Variants in USP45 observed in about 807,000 individuals in gnomAD.
USP45 encodes ubiquitin carboxyl-terminal hydrolase 45.
A neutral mutation model predicts 95.8 loss-of-function variants in USP45; 89 were observed. The observed-to-expected ratio is 0.93, with a 90% CI of 0.78 to 1.11. The LOEUF is 1.11. Ranked by LOEUF, USP45 falls within the 50% of genes least tolerant of loss-of-function variation. The pLI, the probability that USP45 is intolerant of heterozygous loss-of-function variation, is 0.00. For synonymous variants in USP45, 281 were observed against 316.2 expected (o/e 0.89, Z 1.18); for missense variants, 898 against 942.5 (o/e 0.95, Z 0.62).
intron 15 of USP45, among the ~76,000 whole-genome samples, chr6:99,441,249 C>T (rs1404955578): frequency 1.3e-5 from 2 of 151,986 alleles, no homozygotes; most frequent in African/African-American, 2.4e-5. Flanking sequence ...AAACATTACT[C>T]GGCCGGGCAC....
At chr6:99,471,574 T>C (rs1789409342) in intron 9 of USP45, among the ~76,000 whole-genome samples, 1 of 152,208 alleles carries the variant, frequency 6.6e-6, no homozygotes, top group Admixed American at 6.5e-5. Context: ...GACTGCCTTA[T>C]AAAAGAACTA....
intron 7 of USP45, among the ~76,000 whole-genome samples, chr6:99,486,136 A>G (rs1793810709): frequency 6.6e-6 from 1 of 152,192 alleles, no homozygotes; most frequent in African/African-American, 2.4e-5. Flanking sequence ...CAGCACAATA[A>G]GGTAAAAAAA....
intron 9 of USP45, among the ~76,000 whole-genome samples, chr6:99,475,015 A>G (rs1472361644): frequency 6.6e-6 from 1 of 151,950 alleles, no homozygotes; most frequent in African/African-American, 2.4e-5. Flanking sequence ...AGAGGCTGGG[A>G]CTCCTCTCTC....
chr6:99,514,239 T>C (rs1156536792), intron 1 of USP45, among the ~76,000 whole-genome samples: 2 of 152,130 alleles, frequency 1.3e-5, no homozygotes, highest in African/African-American at 4.8e-5. Flanking sequence ...GTAGGCTCCT[T>C]ATGCGGTCTC....
chr6:99,470,600 AAAC>A (rs1359742240), intron 9 of USP45, among the ~76,000 whole-genome samples: 1 of 152,222 alleles, frequency 6.6e-6, no homozygotes, highest in African/African-American at 2.4e-5. Context: ...TAAAGAAATC[AAAC>A]AATAAAATGT....
intron 5 of USP45, among the ~76,000 whole-genome samples, chr6:99,493,520 G>A (rs1025425267): frequency 2.6e-5 from 4 of 151,888 alleles, no homozygotes; most frequent in Non-Finnish European, 4.4e-5. Flanking sequence ...ATTTTGAGAC[G>A]GAGTTTTGCT....
chr6:99,455,653 T>A (rs1055996228), intron 13 of USP45, among the ~76,000 whole-genome samples: 1 of 151,330 alleles, frequency 6.6e-6, no homozygotes. Context: ...GATGAATGGA[T>A]AAAGAAAATG....
chr6:99,488,173 G>C (rs1794407513), intron 7 of USP45, 27 bp downstream of exon 7: 1 of 1,481,568 alleles, frequency 6.7e-7, no homozygotes, highest in Non-Finnish European at 9.4e-7. Flanking sequence ...TCTGAAAGCA[G>C]CTATTATTCA....
At chr6:99,471,410 G>C (rs576500857) in intron 9 of USP45, among the ~76,000 whole-genome samples, 136 of 152,156 alleles carry the variant, frequency 8.9e-4, no homozygotes, top group African/African-American at 3.2e-3. Flanking sequence ...ATAATGTACA[G>C]TTTTAGCTGA....
In USP45 at chr6:99,445,926, T is replaced by C. The variant is rs1208864927; in HGVS notation, c.1846A>G (p.Lys616Glu). ...TLSQSYITTS[K>E]ECSIQSCLYQ... ...AGACAGGACTGAATTGAACATTCTT[T>C]AGAAGTAGTTATATAGCTCTGAGAA... Residue 616 changes from lysine to glutamate, a missense_variant, in exon 14 of 18, where the codon AAA (lysine) becomes GAA (glutamate). Physicochemically the swap from Lys to Glu is moderately conservative, Grantham distance 56 (BLOSUM62 1). Coordinates refer to ENST00000500704, the MANE Select transcript of USP45 (RefSeq NM_001346022.3). 6.2e-7 allele frequency: 1 copy of C among 1,614,110 alleles called. No homozygotes were observed. Among genetic ancestry groups the C allele is most frequent in the South Asian group, 1.1e-5 (1 of 91,076 alleles).
Position 99,464,604 on chromosome 6 carries a change from C to T in USP45, c.1308G>A (p.Lys436=). 1 of 1,609,876 alleles carries T rather than the reference C, an allele frequency of 6.2e-7. No individual in the cohort carries two copies. Among genetic ancestry groups the T allele is most frequent in the Non-Finnish European group, 8.5e-7 (1 of 1,178,846 alleles). ...GTCTAACAGATGCTTATGGTCTTAC[C>T]TTATCTTTAGATGAAGAATGCTTCT... ...AAKKHSSSKD[K]SQLIHDRKCI... Residue 436 remains lysine (K), a splice_region_variant and synonymous_variant, in exon 13 of 18, where the codon AAG becomes AAA. Coordinates refer to ENST00000500704, the MANE Select transcript of USP45 (RefSeq NM_001346022.3).
At position 99,432,661 on chromosome 6, in the gene USP45, T is replaced by C. The variant is rs1204727059; in HGVS notation, c.*3055A>G. ...ATCATAAATATCTAGAAATAATCTT[T>C]TTTAACAATGCACTAGATACTATCT... is the stretch of plus-strand genomic sequence containing the variant. On this transcript the variant is annotated 3_prime_UTR_variant, in exon 18 of 18. Transcript: ENST00000500704. 2 of 152,434 alleles carry C rather than the reference T, an allele frequency of 1.3e-5. No homozygotes were observed. Among genetic ancestry groups the C allele is most frequent in the South Asian group, 2.1e-4 (1 of 4,838 alleles). 9.4% of individuals were successfully genotyped at this position (152,434 alleles called of 1,614,324 possible). A position where few individuals can be genotyped will look rare whatever the true frequency, so the allele number is the denominator to read the frequency against.
At position 99,440,122 on chromosome 6, in the gene USP45, A is replaced by C. The variant is rs532484156; in HGVS notation, c.2074-267T>G. ...TTATGGCTTTTCAACACTTATGGAA[A>C]AATAAATTCAATATAAAAGCTAAGC... is the stretch of plus-strand genomic sequence containing the variant. On this transcript the variant is annotated intron_variant, in intron 15 of 17. Coordinates refer to ENST00000500704, the MANE Select transcript of USP45 (RefSeq NM_001346022.3). 2.0e-5 allele frequency among the ~76,000 whole-genome samples: 3 copies of C among 152,324 alleles called. No homozygotes were observed. The East Asian group carries it at 5.8e-4, about 29-fold the overall frequency.
At position 99,443,646 on chromosome 6, in the gene USP45, T is replaced by C; in HGVS notation, c.1992A>G (p.Gly664=). The C allele has an allele frequency of 6.3e-7, 1 of 1,592,262 alleles. No homozygotes were observed. Residue 664 remains glycine, a synonymous_variant, in exon 15 of 18, where the codon GGA becomes GGG. Coordinates refer to ENST00000500704, the MANE Select transcript of USP45 (RefSeq NM_001346022.3). The part of the protein sequence containing the change: ...ETSFAEKKVE[G]VYTNARKQLL... ...ATTGCTTCCTGGCATTAGTATAAAC[T>C]CCTTCTACTTTCTTTTCTACATAAA... is the stretch of plus-strand genomic sequence containing the variant.
chr6:99,458,689 CTTATG>C (rs1180307180), intron 13 of USP45, among the ~76,000 whole-genome samples: 3 of 152,212 alleles, frequency 2.0e-5, no homozygotes, highest in African/African-American at 4.8e-5. Context: ...TTAGGTACAA[CTTATG>C]TTATGATAGG....
rs138140684 is a variant in USP45, at chr6:99,439,014, T to G, written c.2160+755A>C. Reference sequence around the variant, plus strand: ...TCTAGGAATACTGAGTATTAACAATTGACAGATAGTGCTGGTATTCCACAG... The same window carrying G: ...TCTAGGAATACTGAGTATTAACAATGGACAGATAGTGCTGGTATTCCACAG... On this transcript the variant is annotated intron_variant, in intron 16 of 17. Coordinates refer to ENST00000500704, the MANE Select transcript of USP45 (RefSeq NM_001346022.3). Among the ~76,000 whole-genome samples the G allele has an allele frequency of 4.4e-4, 67 of 152,374 alleles. 2 individuals are homozygous for G. In the East Asian group the frequency reaches 0.012, roughly 27 times the overall value.
At chr6:99,452,134 T>C (rs1784005169) in intron 13 of USP45, among the ~76,000 whole-genome samples, 1 of 152,110 alleles carries the variant, frequency 6.6e-6, no homozygotes, top group Non-Finnish European at 1.5e-5. Flanking sequence ...GGACTTCATG[T>C]CTAAAACACC....
At chr6:99,456,252 TAGTG>T (rs1313647904) in intron 13 of USP45, among the ~76,000 whole-genome samples, 1 of 151,822 alleles carries the variant, frequency 6.6e-6, no homozygotes, top group East Asian at 1.9e-4. Context: ...AGAGGTATGT[TAGTG>T]AGTACAAAGA....
At chr6:99,509,647 CAA>C (rs199667881) in intron 2 of USP45, among the ~76,000 whole-genome samples, 23 of 60,586 alleles carry the variant, frequency 3.8e-4, no homozygotes, top group Admixed American at 5.0e-4. Flanking sequence ...AGAAAGAGAC[CAA>C]AAAAAAAAAA....
Sources: allele counts gnomAD v4.1 joint callset (sites outside exome capture counted in the v4.1 genomes callset), GRCh38; gene constraint gnomAD v4.1.1; transcripts MANE v1.5; gene names NCBI Gene and HGNC (gene_info 2026-07-23, HGNC 2026-07-21).